Variants in IL1RAPL2 observed in about 807,000 individuals in gnomAD.
IL1RAPL2 encodes X-linked interleukin-1 receptor accessory protein-like 2.
IL1RAPL2 carries 3 observed loss-of-function variants against 44.1 expected under a neutral mutation model. The ratio of observed to expected loss-of-function variants is 0.07; its 90% confidence interval spans 0.03 to 0.18. The LOEUF (loss-of-function observed/expected upper bound fraction) is 0.18, where lower values mean the gene tolerates loss of function less well. Ranked by LOEUF, IL1RAPL2 falls within the 10% of genes least tolerant of loss-of-function variation. The pLI is 1.00. For synonymous variants in IL1RAPL2, 181 were observed against 178.8 expected (o/e 1.01, Z -0.10); for missense variants, 391 against 496.4 (o/e 0.79, Z 2.02).
At chrX:104,609,855 C>G (rs1019010785) in intron 1 of IL1RAPL2, among the ~76,000 whole-genome samples, 1 of 111,811 alleles carries the variant, frequency 8.9e-6, no homozygotes, top group Non-Finnish European at 1.9e-5. Context: ...CTTCTGTCAA[C>G]TCATCAAACT....
At chrX:104,906,620 A>G (rs1378743355) in intron 2 of IL1RAPL2, among the ~76,000 whole-genome samples, 2 of 111,979 alleles carry the variant, frequency 1.8e-5, no homozygotes, top group African/African-American at 3.2e-5. Flanking sequence ...ACTGATTTGC[A>G]TATACTGAAC....
chrX:105,181,334 T>C (rs1490492246), intron 2 of IL1RAPL2, among the ~76,000 whole-genome samples: 1 of 111,964 alleles, frequency 8.9e-6, no homozygotes, highest in South Asian at 3.7e-4. Context: ...TCTGTTCTGA[T>C]CTTTTTATTT....
rs909323787 is a variant in IL1RAPL2, at chrX:105,392,740, G to T, written c.698-91573G>T. 2.7e-5 allele frequency among the ~76,000 whole-genome samples: 3 copies of T among 112,072 alleles called. No homozygotes were observed. In the East Asian group the frequency reaches 8.5e-4, roughly 32 times the overall value. On this transcript the variant is annotated intron_variant, in intron 5 of 10. Coordinates refer to ENST00000372582, the MANE Select transcript of IL1RAPL2 (RefSeq NM_017416.2). The stretch of plus-strand genomic sequence containing the variant: ...CAATATTCTCAAATTCAGGTATGGA[G>T]ATATATGTATAAATTTAGTATTCTC...
At chrX:105,690,224 A>T (rs903637024) in intron 6 of IL1RAPL2, among the ~76,000 whole-genome samples, 3 of 111,402 alleles carry the variant, frequency 2.7e-5, no homozygotes, top group Non-Finnish European at 5.7e-5. Flanking sequence ...TAATAACAAA[A>T]ATTTTTTTAA....
intron 2 of IL1RAPL2, among the ~76,000 whole-genome samples, chrX:104,721,891 G>A (rs750607925): frequency 1.0e-3 from 113 of 111,358 alleles, no homozygotes; most frequent in African/African-American, 3.6e-3. Flanking sequence ...ATTTTGATAA[G>A]CGCTATTGTA....
At chrX:104,908,305 T>G (rs1405153134) in intron 2 of IL1RAPL2, among the ~76,000 whole-genome samples, 1 of 111,574 alleles carries the variant, frequency 9.0e-6, no homozygotes, top group East Asian at 2.8e-4. Context: ...CCATTTACAT[T>G]TAAAGTTAAT....
chrX:105,200,681 G>C (rs182418631), intron 3 of IL1RAPL2, among the ~76,000 whole-genome samples: 100 of 111,977 alleles, frequency 8.9e-4, no homozygotes, highest in African/African-American at 3.1e-3. Flanking sequence ...GGAGGCTGAG[G>C]CAGGTGGATC....
At chrX:104,700,882 A>G (rs1453777799) in intron 2 of IL1RAPL2, among the ~76,000 whole-genome samples, 1 of 111,932 alleles carries the variant, frequency 8.9e-6, no homozygotes, top group African/African-American at 3.2e-5. Context: ...TGTCATAACT[A>G]AAGCTTGTCA....
chrX:105,764,317 A>C (rs915154277), intron 10 of IL1RAPL2, among the ~76,000 whole-genome samples: 1 of 111,880 alleles, frequency 8.9e-6, no homozygotes, highest in Non-Finnish European at 1.9e-5. Context: ...GCAAAATATA[A>C]TAGATGGATG....
chrX:105,086,456 T>C (rs1446208777), intron 2 of IL1RAPL2, among the ~76,000 whole-genome samples: 1 of 110,214 alleles, frequency 9.1e-6, no homozygotes, highest in African/African-American at 3.3e-5. Context: ...AGCCAGAGAG[T>C]AGAATGGCTG....
intron 6 of IL1RAPL2, among the ~76,000 whole-genome samples, chrX:105,491,847 GTGCT>G (rs1448369501): frequency 8.9e-6 from 1 of 111,789 alleles, no homozygotes; most frequent in Non-Finnish European, 1.9e-5. Context: ...TATAACAGCT[GTGCT>G]TGTTTTGAGA....
At chrX:104,644,331 A>C (rs963272367) in intron 1 of IL1RAPL2, among the ~76,000 whole-genome samples, 1 of 111,560 alleles carries the variant, frequency 9.0e-6, no homozygotes, top group East Asian at 2.8e-4. Flanking sequence ...TATTGAGAAG[A>C]TATATGCCTC....
intron 2 of IL1RAPL2, among the ~76,000 whole-genome samples, chrX:104,898,201 C>T (rs1348061739): frequency 8.9e-6 from 1 of 111,817 alleles, no homozygotes; most frequent in Admixed American, 9.5e-5. Flanking sequence ...CACTTCTGTG[C>T]CTTCTTGAAC....
chrX:104,613,138 T>A (rs1196877624), intron 1 of IL1RAPL2, among the ~76,000 whole-genome samples: 1 of 112,174 alleles, frequency 8.9e-6, no homozygotes, highest in Non-Finnish European at 1.9e-5. Flanking sequence ...TTTGACACCT[T>A]CTTTTCCAAG....
intron 5 of IL1RAPL2, among the ~76,000 whole-genome samples, chrX:105,274,218 C>G (rs779302455): frequency 8.9e-6 from 1 of 111,891 alleles, no homozygotes; most frequent in Admixed American, 9.5e-5. Context: ...TGAACTTAGT[C>G]CTTAGCTCTT....
chrX:105,718,595 T>A (rs2038276298), intron 7 of IL1RAPL2, among the ~76,000 whole-genome samples: 1 of 111,066 alleles, frequency 9.0e-6, no homozygotes, highest in Admixed American at 9.6e-5. Context: ...TTATACTCAC[T>A]AGGATGCACT....
chrX:105,354,866 C>T lies in IL1RAPL2; in HGVS notation c.697+87325C>T, dbSNP rs949341901. Among the ~76,000 whole-genome samples, 16 of 111,161 alleles carry T rather than the reference C, an allele frequency of 1.4e-4. No individual in the cohort carries two copies. The Admixed American group carries it at 1.5e-3, about 11-fold the overall frequency. On this transcript the variant is annotated intron_variant, in intron 5 of 10. Coordinates refer to ENST00000372582, the MANE Select transcript of IL1RAPL2 (RefSeq NM_017416.2). ...ATCAGCATATTATGTCTTGTTCAACCTGTCATCGTCTGTGGACTATTCCCC... is the reference window on the plus strand; with the variant it reads ...ATCAGCATATTATGTCTTGTTCAACTTGTCATCGTCTGTGGACTATTCCCC...
At chrX:105,301,308 G>A (rs1435277576) in intron 5 of IL1RAPL2, among the ~76,000 whole-genome samples, 1 of 111,499 alleles carries the variant, frequency 9.0e-6, no homozygotes, top group Non-Finnish European at 1.9e-5. Context: ...CATTTCTGCA[G>A]TATATGAGAT....
chrX:104,637,769 T>A (rs967365279), intron 1 of IL1RAPL2, among the ~76,000 whole-genome samples: 9 of 93,748 alleles, frequency 9.6e-5, no homozygotes, highest in African/African-American at 3.9e-4. Flanking sequence ...TGGCCTGTAG[T>A]TTTTGTGTAT....
Sources: gnomAD v4.1 joint callset for allele counts (sites outside exome capture counted in the v4.1 genomes callset) on GRCh38, gnomAD v4.1.1 for gene constraint, MANE v1.5 for transcripts, NCBI Gene and HGNC (gene_info 2026-07-23, HGNC 2026-07-21) for gene names.